Variants in NRXN3 observed in about 807,000 individuals in gnomAD.
NRXN3 encodes the protein neurexin III.
In NRXN3, 32 loss-of-function variants were observed where a neutral mutation model predicts 137.6. That is an observed-to-expected ratio of 0.23 (90% CI 0.18 to 0.31). NRXN3 has a LOEUF of 0.31. NRXN3 is among the 10% of genes least tolerant of loss of function. The pLI is 1.00. For missense variants in NRXN3, 1,574 were observed against 2,062.5 expected (o/e 0.76, Z 4.59); for synonymous variants, 798 against 784.5 (o/e 1.02, Z -0.29).
intron 15 of NRXN3, among the ~76,000 whole-genome samples, chr14:79,243,978 G>A (rs1404768143): frequency 1.3e-5 from 2 of 152,032 alleles, no homozygotes; most frequent in African/African-American, 2.4e-5. Flanking sequence ...ACGGTGTTTC[G>A]CTTAGGAACA....
chr14:79,446,696 T>G (rs967235163), intron 15 of NRXN3, among the ~76,000 whole-genome samples: 1 of 152,126 alleles, frequency 6.6e-6, no homozygotes, highest in Non-Finnish European at 1.5e-5. Context: ...ACTAGTTAAA[T>G]AGTTTCTCTC....
intron 19 of NRXN3, among the ~76,000 whole-genome samples, chr14:79,783,695 A>G (rs112277302): frequency 1.3e-3 from 204 of 152,254 alleles, no homozygotes; most frequent in Admixed American, 3.4e-3. Flanking sequence ...CATATGTTTT[A>G]TTATGTAAAA....
At chr14:79,847,444 G>A (rs1365659799) in intron 20 of NRXN3, among the ~76,000 whole-genome samples, 1 of 152,170 alleles carries the variant, frequency 6.6e-6, no homozygotes, top group Non-Finnish European at 1.5e-5. Flanking sequence ...CAGATCTGGA[G>A]TTGAGCTCCT....
intron 8 of NRXN3, among the ~76,000 whole-genome samples, chr14:78,762,320 T>A (rs1004203388): frequency 2.0e-5 from 3 of 152,158 alleles, no homozygotes; most frequent in African/African-American, 7.2e-5. Flanking sequence ...TTTTGTAGAT[T>A]CCAAAAGCAT....
chr14:78,602,284 T>C (rs2097208378), intron 4 of NRXN3: 2 of 150,886 alleles, frequency 1.3e-5, no homozygotes, highest in Middle Eastern at 3.4e-3. Flanking sequence ...TTTTTTTTTT[T>C]TTTTAAATTC....
intron 16 of NRXN3, among the ~76,000 whole-genome samples, chr14:79,615,477 T>G (rs2098143536): frequency 6.6e-6 from 1 of 152,164 alleles, no homozygotes; most frequent in Non-Finnish European, 1.5e-5. Flanking sequence ...TTGTCCTTTT[T>G]GGAAGTGTAC....
At chr14:78,738,695 C>G (rs1165479506) in intron 8 of NRXN3, among the ~76,000 whole-genome samples, 2 of 152,144 alleles carry the variant, frequency 1.3e-5, no homozygotes, top group Non-Finnish European at 2.9e-5. Flanking sequence ...TCTTTTTCCC[C>G]ACTATGATTT....
chr14:78,741,055 C>T (rs535128235), intron 8 of NRXN3, among the ~76,000 whole-genome samples: 1 of 152,254 alleles, frequency 6.6e-6, no homozygotes, highest in South Asian at 2.1e-4. Context: ...GCAAATTTCA[C>T]CCTGGCATGT....
At chr14:78,251,020 C>T (rs1158062199) in intron 2 of NRXN3, among the ~76,000 whole-genome samples, 4 of 152,100 alleles carry the variant, frequency 2.6e-5, no homozygotes, top group Admixed American at 2.6e-4. Context: ...GTATAGTATT[C>T]AATTCCCAGC....
chr14:78,624,824 TG>T (rs1166582482), intron 4 of NRXN3, among the ~76,000 whole-genome samples: 3 of 149,360 alleles, frequency 2.0e-5, no homozygotes, highest in Non-Finnish European at 1.5e-5. Context: ...TGTGTGTGTG[TG>T]TGTGTGTTTG....
intron 20 of NRXN3, among the ~76,000 whole-genome samples, chr14:79,847,861 T>G (rs2099383496): frequency 6.6e-6 from 1 of 151,762 alleles, no homozygotes; most frequent in Non-Finnish European, 1.5e-5. Flanking sequence ...AAAACCCACC[T>G]AAGAAACTGC....
At chr14:79,009,854 T>C (rs1261271895) in intron 15 of NRXN3, among the ~76,000 whole-genome samples, 3 of 152,232 alleles carry the variant, frequency 2.0e-5, no homozygotes, top group Admixed American at 2.0e-4. Flanking sequence ...CCTTCAGCCT[T>C]GGAGTAAAAT....
chr14:78,513,182 C>T (rs1261582975), intron 4 of NRXN3, among the ~76,000 whole-genome samples: 1 of 152,148 alleles, frequency 6.6e-6, no homozygotes, highest in African/African-American at 2.4e-5. Context: ...TCTACCTCTG[C>T]CAGATTAATT....
At chr14:78,850,336 C>T (rs1311629510) in intron 10 of NRXN3, among the ~76,000 whole-genome samples, 1 of 152,106 alleles carries the variant, frequency 6.6e-6, no homozygotes, top group African/African-American at 2.4e-5. Context: ...TACCTCAGGC[C>T]TTTACCAAGT....
chr14:79,080,347 T>C, intron 15 of NRXN3, among the ~76,000 whole-genome samples: 1 of 152,166 alleles, frequency 6.6e-6, no homozygotes, highest in South Asian at 2.1e-4. Context: ...TGGAAAATGG[T>C]GTTAAAAGAT....
chr14:78,886,562 A>C (rs2099144420), intron 10 of NRXN3, among the ~76,000 whole-genome samples: 1 of 152,082 alleles, frequency 6.6e-6, no homozygotes, highest in Admixed American at 6.6e-5. Context: ...TTCTATGATA[A>C]GTGATTGAAG....
At chr14:78,972,364 C>A (rs2099444941) in intron 14 of NRXN3, among the ~76,000 whole-genome samples, 1 of 152,192 alleles carries the variant, frequency 6.6e-6, no homozygotes. Flanking sequence ...ACAAATTGAG[C>A]TTTTTGGTGT....
At chr14:79,588,137 C>T (rs1256010831) in intron 16 of NRXN3, among the ~76,000 whole-genome samples, 1 of 152,146 alleles carries the variant, frequency 6.6e-6, no homozygotes, top group Non-Finnish European at 1.5e-5. Flanking sequence ...ATAGAAGTGG[C>T]TCTCACCCAT....
In NRXN3 at chr14:79,845,888, T is replaced by C. The variant is rs1407581295; in HGVS notation, c.4094-15454T>C. Among the ~76,000 whole-genome samples the C allele has an allele frequency of 8.8e-3, 103 of 11,706 alleles. 2 individuals carry two copies. Among genetic ancestry groups the C allele is most frequent in the East Asian group, 0.018 (4 of 222 alleles). The allele number at this position is 11,706 out of a possible 152,430, so 7.7% of individuals were successfully genotyped here. A position where few individuals can be genotyped will look rare whatever the true frequency, so the allele number is the denominator to read the frequency against. Reference sequence around the variant, plus strand: ...AGAGAGAGATGGAGAGAGAGAGAGATGGAGAGAAAGACAGAGAGAGAGACG... The same window carrying C: ...AGAGAGAGATGGAGAGAGAGAGAGACGGAGAGAAAGACAGAGAGAGAGACG... On this transcript the variant is annotated intron_variant, in intron 20 of 20. Transcript: ENST00000335750.
Sources: gnomAD v4.1 joint callset for allele counts (sites outside exome capture counted in the v4.1 genomes callset) on GRCh38, gnomAD v4.1.1 for gene constraint, MANE v1.5 for transcripts, NCBI Gene and HGNC (gene_info 2026-07-23, HGNC 2026-07-21) for gene names.